Variants in IMMP2L observed in about 807,000 individuals in gnomAD.
The protein encoded by IMMP2L is mitochondrial inner membrane protease subunit 2.
Under a neutral mutation model 19.3 loss-of-function variants are expected in IMMP2L, and 18 were observed. The ratio of observed to expected loss-of-function variants is 0.93; its 90% CI spans 0.64 to 1.38. The LOEUF (loss-of-function observed/expected upper bound fraction) is 1.38, where lower values mean the gene tolerates loss of function less well. Among genes scored for constraint, IMMP2L ranks in the 40% most tolerant of loss-of-function variants. The pLI, the probability that IMMP2L is intolerant of heterozygous loss-of-function variation, is 0.00. For synonymous variants in IMMP2L, 76 were observed against 73.0 expected (o/e 1.04, Z -0.21); for missense variants, 233 against 218.2 (o/e 1.07, Z -0.43).
At chr7:111,258,774 G>A (rs918247896) in intron 3 of IMMP2L, among the ~76,000 whole-genome samples, 1 of 151,962 alleles carries the variant, frequency 6.6e-6, no homozygotes, top group Non-Finnish European at 1.5e-5. Flanking sequence ...CTAAAGTGCT[G>A]GGCTTATAGG....
At chr7:110,667,770 A>G (rs944720223) in intron 5 of IMMP2L, among the ~76,000 whole-genome samples, 1 of 152,202 alleles carries the variant, frequency 6.6e-6, no homozygotes, top group Admixed American at 6.5e-5. Context: ...CCAGAACTGT[A>G]AAATAGTATA....
rs1491402107 is a variant in IMMP2L, at chr7:111,551,494, AGG to A, written c.-3+10355_-3+10356del. On this transcript the variant is annotated intron_variant, in intron 1 of 5. Coordinates refer to ENST00000405709, the MANE Select transcript of IMMP2L (RefSeq NM_032549.4). ...TAGGTATGTTAGGTATGACTGTTAG[AGG>A]TGTGTGTGTGTGTGTGTGTGTGTGT... Among the ~76,000 whole-genome samples, 3 of 90,760 alleles carry A rather than the reference AGG, an allele frequency of 3.3e-5. No homozygotes were observed. In the East Asian group the frequency reaches 1.0e-3, roughly 31 times the overall value. 59.5% of individuals were successfully genotyped at this position (90,760 alleles called of 152,430 possible).
At chr7:111,506,197 A>AAATAATAATAAT (rs543586226) in intron 2 of IMMP2L, among the ~76,000 whole-genome samples, 5 of 149,444 alleles carry the variant, frequency 3.3e-5, no homozygotes, top group Non-Finnish European at 1.5e-5. Flanking sequence ...TGTCTCTTTA[A>AAATAATAATAAT]AATAATAATA....
intron 4 of IMMP2L, among the ~76,000 whole-genome samples, chr7:110,934,125 C>G (rs1815814298): frequency 6.6e-6 from 1 of 152,136 alleles, no homozygotes; most frequent in South Asian, 2.1e-4. Context: ...GCAGGTTGTT[C>G]AGTTTCCATG....
intron 5 of IMMP2L, among the ~76,000 whole-genome samples, chr7:110,705,345 A>C (rs1794582043): frequency 6.6e-6 from 1 of 152,172 alleles, no homozygotes; most frequent in Admixed American, 6.5e-5. Flanking sequence ...CCAAAAAACA[A>C]TGTGCAACTT....
chr7:111,317,241 C>T (rs1419556054), intron 3 of IMMP2L, among the ~76,000 whole-genome samples: 2 of 152,070 alleles, frequency 1.3e-5, no homozygotes, highest in African/African-American at 4.8e-5. Flanking sequence ...CCCACTCAGG[C>T]CTACCTCATT....
intron 5 of IMMP2L, among the ~76,000 whole-genome samples, chr7:110,782,822 G>A (rs962219411): frequency 6.6e-6 from 1 of 151,818 alleles, no homozygotes; most frequent in African/African-American, 2.4e-5. Flanking sequence ...ATGGGCATAG[G>A]AGCATAGAAA....
chr7:111,026,889 T>G (rs1446486321), intron 3 of IMMP2L, among the ~76,000 whole-genome samples: 2 of 152,112 alleles, frequency 1.3e-5, no homozygotes, highest in Non-Finnish European at 2.9e-5. Context: ...TTCCTCTTTT[T>G]TTCTGTGTAA....
chr7:110,772,147 A>G (rs1286269613), intron 5 of IMMP2L, among the ~76,000 whole-genome samples: 1 of 152,042 alleles, frequency 6.6e-6, no homozygotes, highest in East Asian at 1.9e-4. Flanking sequence ...TGGAATACTG[A>G]TGTGGTAGAA....
At chr7:111,495,363 T>C (rs990140576) in intron 2 of IMMP2L, among the ~76,000 whole-genome samples, 2 of 152,168 alleles carry the variant, frequency 1.3e-5, no homozygotes, top group Non-Finnish European at 2.9e-5. Context: ...AGAAATACAA[T>C]ATAAGTCAGC....
chr7:111,548,123 T>C (rs1408313101), intron 1 of IMMP2L, among the ~76,000 whole-genome samples: 1 of 152,040 alleles, frequency 6.6e-6, no homozygotes, highest in Non-Finnish European at 1.5e-5. Context: ...GAGAAACCAG[T>C]TTCAGGGAGA....
At chr7:111,365,502 G>T (rs1829682859) in intron 3 of IMMP2L, among the ~76,000 whole-genome samples, 1 of 152,002 alleles carries the variant, frequency 6.6e-6, no homozygotes, top group Admixed American at 6.6e-5. Flanking sequence ...AATATATAAA[G>T]GACTATAAAT....
chr7:111,191,163 T>C (rs1219140461), intron 3 of IMMP2L, among the ~76,000 whole-genome samples: 1 of 152,136 alleles, frequency 6.6e-6, no homozygotes, highest in African/African-American at 2.4e-5. Context: ...ATATGACCTT[T>C]ATTAATATCA....
chr7:111,383,868 C>A (rs550260054), intron 3 of IMMP2L, among the ~76,000 whole-genome samples: 1 of 152,218 alleles, frequency 6.6e-6, no homozygotes, highest in South Asian at 2.1e-4. Context: ...TTATATGTCA[C>A]CTTATCAAGG....
rs1010114915 is a variant in IMMP2L at position 110,963,400 on chromosome 7, C to T, written c.305+100G>A. On this transcript the variant is annotated intron_variant, in intron 4 of 5. Coordinates refer to ENST00000405709, the MANE Select transcript of IMMP2L (RefSeq NM_032549.4). Reference sequence around the variant, plus strand: ...CAGCTCATTTGGAATGTCTCCAAAACTTTGGCCCTCATGGACTTCAGATGT... The same window carrying T: ...CAGCTCATTTGGAATGTCTCCAAAATTTTGGCCCTCATGGACTTCAGATGT... The T allele has an allele frequency of 6.5e-6, 5 of 775,050 alleles. No homozygotes were observed. In the African/African-American group the frequency reaches 8.8e-5, roughly 14 times the overall value. 48.0% of individuals were successfully genotyped at this position (775,050 alleles called of 1,614,324 possible). A position where few individuals can be genotyped will look rare whatever the true frequency, so the allele number is the denominator to read the frequency against.
intron 5 of IMMP2L, among the ~76,000 whole-genome samples, chr7:110,777,193 G>T (rs1339354614): frequency 6.6e-6 from 1 of 151,946 alleles, no homozygotes; most frequent in African/African-American, 2.4e-5. Flanking sequence ...TCTTAAGACT[G>T]CATTCTTGTG....
At chr7:111,425,028 C>T (rs1835932123) in intron 3 of IMMP2L, among the ~76,000 whole-genome samples, 2 of 151,778 alleles carry the variant, frequency 1.3e-5, no homozygotes, top group South Asian at 2.1e-4. Flanking sequence ...TTTTAAGTTT[C>T]CTTCATCAAT....
intron 5 of IMMP2L, among the ~76,000 whole-genome samples, chr7:110,856,596 T>G (rs1220242398): frequency 6.6e-6 from 1 of 152,056 alleles, no homozygotes; most frequent in East Asian, 1.9e-4. Flanking sequence ...CTTGAGCAGC[T>G]AGCAAGATCT....
chr7:110,876,334 G>A (rs1809063534), intron 5 of IMMP2L, among the ~76,000 whole-genome samples: 1 of 152,098 alleles, frequency 6.6e-6, no homozygotes. Flanking sequence ...TGGGGGGTTA[G>A]TTGACATGGA....
Sources: allele counts gnomAD v4.1 joint callset (sites outside exome capture counted in the v4.1 genomes callset), GRCh38; gene constraint gnomAD v4.1.1; transcripts MANE v1.5; gene names NCBI Gene and HGNC (gene_info 2026-07-23, HGNC 2026-07-21).